POLN: variants seen among roughly 807,000 people sequenced by gnomAD.
The protein encoded by POLN is DNA polymerase nu.
In POLN, 108 loss-of-function variants were observed where a neutral mutation model predicts 113.5. The observed-to-expected ratio is 0.95, with a 90% CI of 0.81 to 1.12. The LOEUF (loss-of-function observed/expected upper bound fraction) is 1.12, where lower values mean the gene tolerates loss of function less well. Among genes scored for constraint, POLN ranks in the 50% most tolerant of loss-of-function variants. POLN has a pLI of 0.00. For synonymous variants in POLN, 386 were observed against 391.5 expected, an observed-to-expected ratio of 0.99 and a Z score of 0.17; for missense variants, 1,097 against 1,077.1, an observed-to-expected ratio of 1.02 and a Z score of -0.26.
At chr4:2,108,421 T>C (rs984742303) in intron 19 of POLN, among the ~76,000 whole-genome samples, 1 of 152,122 alleles carries the variant, frequency 6.6e-6, no homozygotes, top group Non-Finnish European at 1.5e-5. Context: ...CCTAGACATA[T>C]AGTAAGAACT....
At chr4:2,239,163 T>G (rs935911007) in intron 2 of POLN, 2 of 529,882 alleles carry the variant, frequency 3.8e-6, no homozygotes, top group African/African-American at 3.9e-5. Flanking sequence ...GAAAACTAAT[T>G]TAATATTCAT....
chr4:2,154,703 G>T (rs1186239864), intron 16 of POLN, among the ~76,000 whole-genome samples: 1 of 152,156 alleles, frequency 6.6e-6, no homozygotes, highest in Non-Finnish European at 1.5e-5. Context: ...TATTGGTTAT[G>T]GTATTGCTAT....
At chr4:2,229,449 G>A in intron 2 of POLN, 2 of 394,580 alleles carry the variant, frequency 5.1e-6, no homozygotes, top group Non-Finnish European at 8.9e-6. Flanking sequence ...AGGTATCATA[G>A]TAAATAGATA....
At chr4:2,201,124 G>A (rs746904524) in intron 5 of POLN, among the ~76,000 whole-genome samples, 8 of 151,212 alleles carry the variant, frequency 5.3e-5, no homozygotes, top group South Asian at 2.1e-4. Context: ...AAAATTAGCC[G>A]GGCGTGGTGG....
intron 20 of POLN, among the ~76,000 whole-genome samples, chr4:2,095,241 G>A (rs1159734126): frequency 6.6e-6 from 1 of 152,184 alleles, no homozygotes; most frequent in East Asian, 1.9e-4. Context: ...AGCAAAAAGG[G>A]GAGGGGAGGG....
intron 7 of POLN, among the ~76,000 whole-genome samples, chr4:2,184,067 T>G (rs908799597): frequency 6.6e-6 from 1 of 151,778 alleles, no homozygotes; most frequent in African/African-American, 2.4e-5. Flanking sequence ...TTGGCCAGGC[T>G]GGTCTTGAAC....
rs202210377 is a variant in POLN, at chr4:2,081,694, G to A, written c.2247C>T (p.His749=). The A allele has an allele frequency of 2.3e-5, 37 of 1,614,174 alleles. No individual in the cohort carries two copies. Among genetic ancestry groups the A allele is most frequent in the East Asian group, 1.6e-4 (7 of 44,878 alleles). Residue 749 remains histidine (H), a synonymous_variant, in exon 22 of 26, where the codon CAC becomes CAT. Coordinates refer to ENST00000511885, the MANE Select transcript of POLN (RefSeq NM_181808.4). ...GTGCCCGGAGTTGCTGGTCATGAGCGTGAATCCTTGGCAGGGGTCTCCTTC... is the reference window on the plus strand; with the variant it reads ...GTGCCCGGAGTTGCTGGTCATGAGCATGAATCCTTGGCAGGGGTCTCCTTC... ...MGRRRPLPRI[H]AHDQQLRAQA...
intron 13 of POLN, among the ~76,000 whole-genome samples, chr4:2,162,588 C>T (rs1732627123): frequency 6.6e-6 from 1 of 152,182 alleles, no homozygotes; most frequent in Non-Finnish European, 1.5e-5. Context: ...TCCAGAGTAG[C>T]TGGGACTACA....
chr4:2,169,113 G>A (rs557090535), intron 13 of POLN, among the ~76,000 whole-genome samples: 31 of 152,280 alleles, frequency 2.0e-4, no homozygotes, highest in African/African-American at 5.5e-4. Flanking sequence ...AGGAGCTGGC[G>A]CACAGAGCTG....
chr4:2,221,895 T>C (rs1734261494), intron 3 of POLN, among the ~76,000 whole-genome samples: 2 of 152,154 alleles, frequency 1.3e-5, no homozygotes, highest in Non-Finnish European at 2.9e-5. Context: ...AATTCTAACC[T>C]GGAAGCCCCC....
At chr4:2,171,242 A>C (rs1732853319) in intron 11 of POLN, 61 bp from the exon 12 acceptor site, 2 of 1,504,010 alleles carry the variant, frequency 1.3e-6, no homozygotes, top group Non-Finnish European at 1.8e-6. Flanking sequence ...AGATTGTTTA[A>C]TTTGTTCATC....
intron 4 of POLN, 142 bp from the exon 5 acceptor site, chr4:2,208,629 A>G: frequency 1.5e-6 from 1 of 660,542 alleles, no homozygotes; most frequent in Non-Finnish European, 2.3e-6. Context: ...CTTCTAAGGA[A>G]ACCCTATAGT....
intron 3 of POLN, among the ~76,000 whole-genome samples, chr4:2,220,531 T>C (rs1472906127): frequency 6.6e-6 from 1 of 152,194 alleles, no homozygotes; most frequent in Non-Finnish European, 1.5e-5. Context: ...CCACAACCTC[T>C]GACAGTCTGA....
intron 19 of POLN, among the ~76,000 whole-genome samples, chr4:2,108,719 T>C (rs1731126224): frequency 6.6e-6 from 1 of 152,168 alleles, no homozygotes; most frequent in African/African-American, 2.4e-5. Flanking sequence ...TCTTTGCGTG[T>C]TGCTCAAGCT....
At chr4:2,230,468 T>C (rs762701995) in intron 2 of POLN, 4 of 151,804 alleles carry the variant, frequency 2.6e-5, no homozygotes, top group African/African-American at 7.3e-5. Flanking sequence ...AAAAAACATA[T>C]ACAACAAAAA....
chr4:2,072,085 C>A lies in POLN; in HGVS notation c.*29G>T, dbSNP rs1304707806. ...GGCCACACAATGGACTGCTGGAAAC[C>A]AGTTCTCTCCTCCCACTGTTGCCTG... On this transcript the variant is annotated 3_prime_UTR_variant, in exon 26 of 26. Coordinates refer to ENST00000511885, the MANE Select transcript of POLN (RefSeq NM_181808.4). 3.1e-6 allele frequency: 5 copies of A among 1,611,214 alleles called. No homozygotes were observed. In the South Asian group the frequency reaches 5.5e-5, roughly 18 times the overall value.
intron 2 of POLN, chr4:2,238,995 C>T: frequency 6.4e-7 from 1 of 1,570,902 alleles, no homozygotes; most frequent in Non-Finnish European, 8.6e-7. Flanking sequence ...TTCATAATCT[C>T]ACTGGTCAAG....
chr4:2,236,246 C>T, intron 2 of POLN: 2 of 1,610,358 alleles, frequency 1.2e-6, no homozygotes, highest in Non-Finnish European at 1.7e-6. Flanking sequence ...TAAGCAAAAG[C>T]TGATTTCCTC....
chr4:2,227,797 AT>A (rs1734436416), intron 3 of POLN: 1 of 152,214 alleles, frequency 6.6e-6, no homozygotes, highest in South Asian at 2.1e-4. Context: ...AGAGCCTCAT[AT>A]TATAGCTGCC....
Sources: gnomAD v4.1 joint callset for allele counts (sites outside exome capture counted in the v4.1 genomes callset) on GRCh38, gnomAD v4.1.1 for gene constraint, MANE v1.5 for transcripts, NCBI Gene and HGNC (gene_info 2026-07-23, HGNC 2026-07-21) for gene names.